TMTC2: variants seen among roughly 807,000 people sequenced by gnomAD.
TMTC2 encodes protein O-mannosyl-transferase TMTC2.
TMTC2 carries 43 observed loss-of-function variants against 82.4 expected under a neutral mutation model. The ratio of observed to expected loss-of-function variants is 0.52; its 90% CI spans 0.41 to 0.67. TMTC2 has a LOEUF of 0.67. TMTC2 is among the 30% of genes least tolerant of loss of function. TMTC2 has a pLI of 0.00. For synonymous variants in TMTC2, 408 were observed against 381.9 expected (o/e 1.07, Z -0.80); for missense variants, 919 against 1,012.4 (o/e 0.91, Z 1.25).
intron 4 of TMTC2, among the ~76,000 whole-genome samples, chr12:82,943,013 G>T (rs548473891): frequency 1.3e-5 from 2 of 152,226 alleles, no homozygotes; most frequent in Non-Finnish European, 2.9e-5. Context: ...GAAAGAAGCT[G>T]ATCTGTTCAG....
intron 11 of TMTC2, among the ~76,000 whole-genome samples, chr12:83,110,323 A>G (rs1395167634): frequency 6.6e-6 from 1 of 152,192 alleles, no homozygotes; most frequent in Non-Finnish European, 1.5e-5. Context: ...TCCTGTATTA[A>G]CAAATGTTTC....
chr12:82,937,162 C>A (rs1022487958), intron 4 of TMTC2, among the ~76,000 whole-genome samples: 1 of 152,146 alleles, frequency 6.6e-6, no homozygotes, highest in African/African-American at 2.4e-5. Context: ...AAAAATACTA[C>A]AAGGTACATA....
At chr12:83,129,786 A>G (rs948786233) in intron 11 of TMTC2, among the ~76,000 whole-genome samples, 1 of 152,200 alleles carries the variant, frequency 6.6e-6, no homozygotes, top group African/African-American at 2.4e-5. Flanking sequence ...TTCTCATATG[A>G]TATTTACAGC....
At chr12:82,749,857 C>T (rs1317394789) in intron 1 of TMTC2, among the ~76,000 whole-genome samples, 1 of 151,530 alleles carries the variant, frequency 6.6e-6, no homozygotes, top group East Asian at 1.9e-4. Context: ...CCTGCCTCTG[C>T]TTCCCAGGTA....
At chr12:82,770,900 C>G (rs368464962) in intron 1 of TMTC2, among the ~76,000 whole-genome samples, 12 of 152,232 alleles carry the variant, frequency 7.9e-5, no homozygotes, top group African/African-American at 2.6e-4. Context: ...CAAAATATTC[C>G]TAGCTAGGAA....
chr12:82,985,396 G>T (rs192594359), intron 7 of TMTC2, among the ~76,000 whole-genome samples: 5 of 152,122 alleles, frequency 3.3e-5, no homozygotes, highest in Admixed American at 6.5e-5. Context: ...TTTCTTTAAA[G>T]AAATTAGCAG....
intron 2 of TMTC2, among the ~76,000 whole-genome samples, chr12:82,867,681 G>T (rs1348417158): frequency 6.6e-6 from 1 of 152,072 alleles, no homozygotes; most frequent in Non-Finnish European, 1.5e-5. Flanking sequence ...TCACATGAAT[G>T]ATTTCAGTAC....
At chr12:83,006,673 A>G (rs996525432) in intron 8 of TMTC2, among the ~76,000 whole-genome samples, 1 of 152,236 alleles carries the variant, frequency 6.6e-6, no homozygotes, top group African/African-American at 2.4e-5. Flanking sequence ...TTGTGGGACT[A>G]TTCACAATAG....
At chr12:82,744,784 G>T (rs113543692) in intron 1 of TMTC2, among the ~76,000 whole-genome samples, 11 of 152,244 alleles carry the variant, frequency 7.2e-5, no homozygotes, top group African/African-American at 2.4e-4. Flanking sequence ...CTAGCAGAAG[G>T]TTGCTGCAGA....
intron 1 of TMTC2, among the ~76,000 whole-genome samples, chr12:82,808,580 CTGTT>C (rs1320833217): frequency 6.6e-6 from 1 of 151,978 alleles, no homozygotes; most frequent in Non-Finnish European, 1.5e-5. Context: ...ATTTCTTCAT[CTGTT>C]TATTATTCAG....
intron 4 of TMTC2, among the ~76,000 whole-genome samples, chr12:82,959,991 A>G (rs1389488136): frequency 2.6e-5 from 4 of 151,626 alleles, no homozygotes; most frequent in African/African-American, 9.7e-5. Flanking sequence ...AGACAACACC[A>G]TTAAAAACAA....
At chr12:82,868,699 CTTTT>C (rs59925659) in intron 2 of TMTC2, among the ~76,000 whole-genome samples, 1 of 132,748 alleles carries the variant, frequency 7.5e-6, no homozygotes. Flanking sequence ...AAGTCTCTCT[CTTTT>C]TTTTTTTTTT....
chr12:82,926,946 G>A (rs979035109), intron 3 of TMTC2, among the ~76,000 whole-genome samples: 8 of 152,230 alleles, frequency 5.3e-5, no homozygotes, highest in East Asian at 1.9e-4. Context: ...AGTGCACCTC[G>A]TCACCGAAGA....
chr12:83,027,458 A>G (rs1468721125), intron 8 of TMTC2, among the ~76,000 whole-genome samples: 1 of 152,196 alleles, frequency 6.6e-6, no homozygotes, highest in Non-Finnish European at 1.5e-5. Context: ...AAGGATGTAC[A>G]GCAGGTCCTT....
At chr12:82,723,371 G>T (rs979732826) in intron 1 of TMTC2, among the ~76,000 whole-genome samples, 1 of 152,136 alleles carries the variant, frequency 6.6e-6, no homozygotes, top group Non-Finnish European at 1.5e-5. Context: ...GTTATGCAAG[G>T]CTTCCTGAGA....
At chr12:82,712,488 T>C (rs907155492) in intron 1 of TMTC2, among the ~76,000 whole-genome samples, 3 of 151,154 alleles carry the variant, frequency 2.0e-5, no homozygotes, top group Non-Finnish European at 4.4e-5. Context: ...GAGTGCTGCT[T>C]TTTGTACATT....
At chr12:82,731,120 A>C (rs1191864155) in intron 1 of TMTC2, among the ~76,000 whole-genome samples, 4 of 152,250 alleles carry the variant, frequency 2.6e-5, no homozygotes, top group African/African-American at 9.6e-5. Flanking sequence ...CATTCAACAA[A>C]TGAAAAAAAA....
intron 11 of TMTC2, among the ~76,000 whole-genome samples, chr12:83,111,945 C>T (rs370748721): frequency 1.5e-5 from 2 of 137,114 alleles, no homozygotes; most frequent in African/African-American, 2.7e-5. Flanking sequence ...CTCGTCTCTA[C>T]AAAAAAAAAA....
At chr12:82,970,393 G>T (rs1046639379) in intron 7 of TMTC2, among the ~76,000 whole-genome samples, 1 of 152,146 alleles carries the variant, frequency 6.6e-6, no homozygotes, top group African/African-American at 2.4e-5. Flanking sequence ...CTGCAGTGGC[G>T]CAATCTCGCC....
Sources: gnomAD v4.1 joint callset for allele counts (sites outside exome capture counted in the v4.1 genomes callset) on GRCh38, gnomAD v4.1.1 for gene constraint, MANE v1.5 for transcripts, NCBI Gene and HGNC (gene_info 2026-07-23, HGNC 2026-07-21) for gene names.